Variants in DOCK1 observed in about 807,000 individuals in gnomAD.
DOCK1 encodes the protein dedicator of cytokinesis protein 1.
A neutral mutation model predicts 262.7 loss-of-function variants in DOCK1; 138 were observed. The ratio of observed to expected loss-of-function variants is 0.53; its 90% CI spans 0.46 to 0.61. DOCK1 has a LOEUF of 0.61. Among genes scored for constraint, DOCK1 ranks in the 20% least tolerant of loss-of-function variants. DOCK1 has a pLI of 0.00. For synonymous variants in DOCK1, 866 were observed against 867.4 expected (o/e 1.00, Z 0.03); for missense variants, 1,908 against 2,370.7 (o/e 0.80, Z 4.05).
chr10:126,985,694 C>T (rs969687814), intron 4 of DOCK1, among the ~76,000 whole-genome samples: 1 of 151,900 alleles, frequency 6.6e-6, no homozygotes, highest in East Asian at 1.9e-4. Flanking sequence ...GAAATTTCTC[C>T]CTGCAGACTT....
intron 27 of DOCK1, among the ~76,000 whole-genome samples, chr10:127,138,449 C>A (rs1592171144): frequency 6.6e-6 from 1 of 152,122 alleles, no homozygotes; most frequent in Non-Finnish European, 1.5e-5. Context: ...TGCAATGTAT[C>A]ACAAGATCAG....
In DOCK1 at chr10:127,176,118, C is replaced by T. The variant is rs755325636; in HGVS notation, c.2847+48354C>T. ...CTTGGTGACGTTGGGGATGGACCTG[C>T]GTGCGGGCACTGTCATGTATTTGCG... On this transcript the variant is annotated intron_variant, in intron 27 of 51. Coordinates refer to ENST00000623213, the MANE Select transcript of DOCK1 (RefSeq NM_001290223.2). This position sits in a 1 kb window ranked among gnomAD's most constrained non-coding sequence, Gnocchi z 4.4. 14 of 1,614,120 alleles carry T rather than the reference C, an allele frequency of 8.7e-6. No homozygotes were observed. In the Admixed American group the frequency reaches 1.8e-4, roughly 21 times the overall value.
In DOCK1 at chr10:127,040,789, A is replaced by G. The variant is rs1020680022; in HGVS notation, c.2011-1836A>G. ...TTACAGTTTCATTGAGATATAATTC[A>G]CATACCAAAAAATTCATCCTTTTAC... On this transcript the variant is annotated intron_variant, in intron 19 of 51. Transcript: ENST00000623213. Among the ~76,000 whole-genome samples, 10 of 152,182 alleles carry G rather than the reference A, an allele frequency of 6.6e-5. No homozygotes were observed. In the East Asian group the frequency reaches 1.9e-3, roughly 29 times the overall value.
Position 127,288,802 on chromosome 10 carries a change from CACACAT to C in DOCK1, c.3044+31375_3044+31380del, listed in dbSNP as rs1322841220. 3.4e-3 allele frequency among the ~76,000 whole-genome samples: 508 copies of C among 148,432 alleles called. 3 individuals are homozygous for C. The highest frequency in any genetic ancestry group is 0.011 in the African/African-American group (456 of 40,546). ...ACACACACACACACACACACACACA[CACACAT>C]AAAATAGTTTCAGAATAACAATACC... On this transcript the variant is annotated intron_variant, in intron 29 of 51. Transcript: ENST00000623213.
chr10:127,305,846 G>A (rs894537742), intron 29 of DOCK1, among the ~76,000 whole-genome samples: 4 of 152,146 alleles, frequency 2.6e-5, no homozygotes, highest in African/African-American at 9.7e-5. Context: ...TTCAGTTTCT[G>A]TTCATGTCAT....
At chr10:126,921,365 A>G (rs1161653391) in intron 1 of DOCK1, among the ~76,000 whole-genome samples, 2 of 152,240 alleles carry the variant, frequency 1.3e-5, no homozygotes, top group East Asian at 3.8e-4. Context: ...TCAGCCATGA[A>G]AAGGAATGAA....
At chr10:127,071,244 G>T (rs1485543583) in intron 23 of DOCK1, among the ~76,000 whole-genome samples, 1 of 152,166 alleles carries the variant, frequency 6.6e-6, no homozygotes, top group Non-Finnish European at 1.5e-5. Context: ...AGGTGCTGCA[G>T]CATTCCAGTC....
intron 27 of DOCK1, among the ~76,000 whole-genome samples, chr10:127,152,010 CATAT>C (rs71746119): frequency 2.1e-5 from 3 of 145,408 alleles, no homozygotes; most frequent in Non-Finnish European, 3.0e-5. Flanking sequence ...ACAGTGTTCA[CATAT>C]ATATATATAT....
At chr10:127,378,428 G>T (rs1303890869) in intron 35 of DOCK1, among the ~76,000 whole-genome samples, 1 of 152,140 alleles carries the variant, frequency 6.6e-6, no homozygotes. Flanking sequence ...TGAGAGACAA[G>T]GCTGCCCGCG....
chr10:127,203,824 C>T (rs2057585885), intron 27 of DOCK1, among the ~76,000 whole-genome samples: 1 of 151,738 alleles, frequency 6.6e-6, no homozygotes, highest in South Asian at 2.1e-4. Flanking sequence ...TCGGGGTTCT[C>T]ATATATTAGT....
At chr10:126,963,732 A>G (rs1451869183) in intron 1 of DOCK1, among the ~76,000 whole-genome samples, 3 of 147,408 alleles carry the variant, frequency 2.0e-5, no homozygotes, top group Non-Finnish European at 4.4e-5. Flanking sequence ...TTTTTAGATG[A>G]TTGCGAAAAA....
At chr10:127,265,255 T>C (rs2060312729) in intron 29 of DOCK1, among the ~76,000 whole-genome samples, 1 of 152,230 alleles carries the variant, frequency 6.6e-6, no homozygotes, top group Admixed American at 6.5e-5. Context: ...TCAAAAACTA[T>C]TGTTTGGTTT....
chr10:127,408,052 G>GA lies in DOCK1; in HGVS notation c.4123-978dup, dbSNP rs879559985. On this transcript the variant is annotated intron_variant, in intron 40 of 51. Transcript: ENST00000623213. The stretch of plus-strand genomic sequence containing the variant: ...CTCAGAACACACGTGTTGAAATCGG[G>GA]AAAAAAACGGAGACCTGTTGTATCT... 9.2e-5 allele frequency among the ~76,000 whole-genome samples: 14 copies of GA among 152,008 alleles called. No individual in the cohort carries two copies. In the South Asian group the frequency reaches 1.0e-3, roughly 11 times the overall value.
At chr10:127,249,766 G>A (rs979910632) in intron 28 of DOCK1, among the ~76,000 whole-genome samples, 3 of 152,142 alleles carry the variant, frequency 2.0e-5, no homozygotes, top group Admixed American at 1.3e-4. Flanking sequence ...ATGTTATTAC[G>A]CAGCACGTGA....
intron 27 of DOCK1, among the ~76,000 whole-genome samples, chr10:127,211,495 G>A (rs532211165): frequency 1.3e-5 from 2 of 152,278 alleles, no homozygotes; most frequent in South Asian, 2.1e-4. Flanking sequence ...GTCTTGAGAC[G>A]TCATCTGATG....
chr10:127,157,317 G>C (rs999195060), intron 27 of DOCK1, among the ~76,000 whole-genome samples: 1 of 152,190 alleles, frequency 6.6e-6, no homozygotes, highest in South Asian at 2.1e-4. Flanking sequence ...CTGTTTGCAA[G>C]TCAGAAAAAA....
At chr10:127,026,108 C>A in intron 15 of DOCK1, 3 of 469,588 alleles carry the variant, frequency 6.4e-6, no homozygotes, top group South Asian at 2.4e-5. Flanking sequence ...ATGGTCAGAG[C>A]ATTCAGAAAA....
intron 27 of DOCK1, among the ~76,000 whole-genome samples, chr10:127,242,881 C>G (rs2059309963): frequency 1.3e-5 from 2 of 152,128 alleles, no homozygotes; most frequent in African/African-American, 4.8e-5. Context: ...CAGGGTTCTC[C>G]TTTTATTGAA....
intron 29 of DOCK1, among the ~76,000 whole-genome samples, chr10:127,299,960 G>A (rs943008894): frequency 6.6e-6 from 1 of 152,164 alleles, no homozygotes; most frequent in Non-Finnish European, 1.5e-5. Flanking sequence ...CAGGCTCCAT[G>A]GCATTTCTCA....
Sources: allele counts gnomAD v4.1 joint callset (sites outside exome capture counted in the v4.1 genomes callset), GRCh38; gene constraint gnomAD v4.1.1; non-coding constraint Gnocchi (gnomAD v3.1); transcripts MANE v1.5; gene names NCBI Gene and HGNC (gene_info 2026-07-23, HGNC 2026-07-21).